Variants in ELOVL5 observed in about 807,000 individuals in gnomAD.
ELOVL5 encodes very long chain fatty acid elongase 5.
ELOVL5 carries 8 observed loss-of-function variants against 38.6 expected under a neutral mutation model. That is an observed-to-expected ratio of 0.21 (90% confidence interval 0.12 to 0.37). ELOVL5 has a LOEUF of 0.37. Ranked by LOEUF, ELOVL5 falls within the 10% of genes least tolerant of loss-of-function variation. The pLI is 1.00. For synonymous variants in ELOVL5, 127 were observed against 133.7 expected (o/e 0.95, Z 0.34); for missense variants, 280 against 367.8 (o/e 0.76, Z 1.95).
intron 1 of ELOVL5, among the ~76,000 whole-genome samples, chr6:53,308,868 G>C (rs1294460508): frequency 1.5e-5 from 2 of 129,570 alleles, no homozygotes; most frequent in Admixed American, 1.7e-4. Flanking sequence ...CACCAGCTGG[G>C]GGGAGGGGAT....
intron 1 of ELOVL5, among the ~76,000 whole-genome samples, chr6:53,325,436 C>T (rs11968589): frequency 0.12 from 18,848 of 152,122 alleles, 1,311 homozygotes; most frequent in African/African-American, 0.17. Context: ...GATGTGATAC[C>T]GCACCCTGTA....
At chr6:53,339,238 C>A (rs1214058867) in intron 1 of ELOVL5, among the ~76,000 whole-genome samples, 1 of 152,194 alleles carries the variant, frequency 6.6e-6, no homozygotes, top group Non-Finnish European at 1.5e-5. Context: ...TGTTTTATCA[C>A]CTGTTCAGAT....
intron 3 of ELOVL5, among the ~76,000 whole-genome samples, chr6:53,278,036 G>T (rs538749013): frequency 6.6e-6 from 1 of 152,316 alleles, no homozygotes; most frequent in East Asian, 1.9e-4. Context: ...CAATGTAAAA[G>T]ATCCTCTTTT....
At chr6:53,297,198 T>A (rs1293748723) in intron 1 of ELOVL5, among the ~76,000 whole-genome samples, 1 of 152,106 alleles carries the variant, frequency 6.6e-6, no homozygotes, top group Admixed American at 6.5e-5. Flanking sequence ...CATCTGCCAA[T>A]AACCAGGTCA....
chr6:53,305,068 C>T (rs572470459), intron 1 of ELOVL5, among the ~76,000 whole-genome samples: 7,657 of 148,618 alleles, frequency 0.052, 289 homozygotes, highest in Non-Finnish European at 0.082. Context: ...ACCCCCCCCA[C>T]CTCCCTCCCG....
At chr6:53,324,564 T>C (rs905826249) in intron 1 of ELOVL5, among the ~76,000 whole-genome samples, 1 of 150,280 alleles carries the variant, frequency 6.7e-6, no homozygotes, top group Non-Finnish European at 1.5e-5. Flanking sequence ...TGGTCCCAGC[T>C]ACTCTGGAGG....
chr6:53,276,361 C>T (rs1766124066), intron 3 of ELOVL5, 105 bp from the exon 4 acceptor site: 2 of 752,646 alleles, frequency 2.7e-6, no homozygotes, highest in Non-Finnish European at 4.6e-6. Flanking sequence ...TTGGGCTGTG[C>T]TGAGCCAAGT....
intron 1 of ELOVL5, among the ~76,000 whole-genome samples, chr6:53,346,916 T>C (rs754591066): frequency 6.6e-6 from 1 of 152,178 alleles, no homozygotes; most frequent in Non-Finnish European, 1.5e-5. Flanking sequence ...TTTCAGGGAA[T>C]GGGAAGGAAA....
chr6:53,338,751 A>T (rs1769191566), intron 1 of ELOVL5, among the ~76,000 whole-genome samples: 1 of 152,266 alleles, frequency 6.6e-6, no homozygotes, highest in East Asian at 1.9e-4. Flanking sequence ...TTTCTGCTAC[A>T]GGCAACTGCT....
intron 4 of ELOVL5, among the ~76,000 whole-genome samples, chr6:53,275,627 A>G (rs1766082159): frequency 6.6e-6 from 1 of 151,954 alleles, no homozygotes; most frequent in Non-Finnish European, 1.5e-5. Context: ...AACCATCTGA[A>G]AAACGCTATT....
At chr6:53,275,653 C>T (rs1346743449) in intron 4 of ELOVL5, among the ~76,000 whole-genome samples, 1 of 152,198 alleles carries the variant, frequency 6.6e-6, no homozygotes, top group Non-Finnish European at 1.5e-5. Flanking sequence ...CAGGGACTAA[C>T]ATGGAGCAGC....
chr6:53,320,427 C>G (rs762336547), intron 1 of ELOVL5, among the ~76,000 whole-genome samples: 10 of 152,014 alleles, frequency 6.6e-5, no homozygotes, highest in Non-Finnish European at 1.3e-4. Flanking sequence ...AGCTCCTCCC[C>G]CTGGGTTCAT....
At chr6:53,295,010 TA>T (rs1194767700) in intron 2 of ELOVL5, among the ~76,000 whole-genome samples, 1 of 152,268 alleles carries the variant, frequency 6.6e-6, no homozygotes, top group Non-Finnish European at 1.5e-5. Flanking sequence ...TCTGCCATGT[TA>T]ATAGACTAAG....
chr6:53,318,155 G>C (rs1469677006), intron 1 of ELOVL5, among the ~76,000 whole-genome samples: 1 of 152,016 alleles, frequency 6.6e-6, no homozygotes, highest in African/African-American at 2.4e-5. Flanking sequence ...GCCTCCCCAC[G>C]TTACAATAAA....
intron 1 of ELOVL5, among the ~76,000 whole-genome samples, chr6:53,305,319 G>A (rs1200908191): frequency 3.0e-5 from 4 of 135,050 alleles, no homozygotes; most frequent in African/African-American, 5.8e-5. Context: ...GCGGCTGGCC[G>A]GGCAGGGGGC....
chr6:53,311,840 T>G (rs868758102), intron 1 of ELOVL5, among the ~76,000 whole-genome samples: 2 of 152,192 alleles, frequency 1.3e-5, no homozygotes, highest in African/African-American at 4.8e-5. Context: ...CGATACTGTT[T>G]ATGATGTTTC....
chr6:53,317,753 C>A (rs1768114880), intron 1 of ELOVL5, among the ~76,000 whole-genome samples: 1 of 150,422 alleles, frequency 6.6e-6, no homozygotes, highest in African/African-American at 2.5e-5. Flanking sequence ...ATGTAACAAG[C>A]CTGCACATTG....
chr6:53,335,085 A>G (rs1200009960), intron 1 of ELOVL5, among the ~76,000 whole-genome samples: 3 of 152,220 alleles, frequency 2.0e-5, no homozygotes, highest in Non-Finnish European at 4.4e-5. Context: ...TCCAAGCTCT[A>G]TGGGATTTAC....
intron 7 of ELOVL5, among the ~76,000 whole-genome samples, chr6:53,270,314 C>A (rs184336817): frequency 2.0e-5 from 3 of 152,216 alleles, no homozygotes; most frequent in African/African-American, 7.2e-5. Flanking sequence ...CACGTCTCTG[C>A]TGCAGGTCAG....
Sources: allele counts gnomAD v4.1 joint callset (sites outside exome capture counted in the v4.1 genomes callset), GRCh38; gene constraint gnomAD v4.1.1; transcripts MANE v1.5; gene names NCBI Gene and HGNC (gene_info 2026-07-23, HGNC 2026-07-21).